Variants in CHODL observed in about 807,000 individuals in gnomAD.
CHODL encodes transmembrane protein MT75.
Under a neutral mutation model 34.5 loss-of-function variants are expected in CHODL, and 29 were observed. The ratio of observed to expected loss-of-function variants is 0.84; its 90% CI spans 0.63 to 1.15. The LOEUF (loss-of-function observed/expected upper bound fraction) is 1.15, where lower values mean the gene tolerates loss of function less well. Among genes scored for constraint, CHODL ranks in the 50% most tolerant of loss-of-function variants. CHODL has a pLI of 0.00. For synonymous variants in CHODL, 125 were observed against 116.1 expected (o/e 1.08, Z -0.49); for missense variants, 332 against 332.5 (o/e 1.00, Z 0.01).
intron 2 of CHODL, among the ~76,000 whole-genome samples, chr21:18,182,214 C>G (rs1464493759): frequency 6.6e-6 from 1 of 152,100 alleles, no homozygotes. Context: ...ATCAGCATTA[C>G]TTTGAAGACT....
chr21:18,242,064 GGT>G (rs2074087843), upstream of CHODL, among the ~76,000 whole-genome samples: 1 of 151,808 alleles, frequency 6.6e-6, no homozygotes. Flanking sequence ...CCAGTCATAT[GGT>G]CTTGTTTGGT....
intron 1 of CHODL, among the ~76,000 whole-genome samples, chr21:18,247,058 C>A (rs2074150073): frequency 6.6e-6 from 1 of 152,126 alleles, no homozygotes; most frequent in South Asian, 2.1e-4. Flanking sequence ...TGAAATTTAA[C>A]CATCTATAAA....
intron 1 of CHODL, among the ~76,000 whole-genome samples, chr21:17,930,406 A>G (rs2063262938): frequency 6.6e-6 from 1 of 151,872 alleles, no homozygotes; most frequent in Non-Finnish European, 1.5e-5. Context: ...GACCAGATCC[A>G]CCACTGTTTA....
At chr21:18,145,149 C>T (rs1308551647) in intron 2 of CHODL, among the ~76,000 whole-genome samples, 2 of 150,972 alleles carry the variant, frequency 1.3e-5, no homozygotes, top group Non-Finnish European at 3.0e-5. Flanking sequence ...TAGAAAGTGG[C>T]ATTTGGGCCG....
chr21:18,223,020 G>C (rs979088381), intron 2 of CHODL, among the ~76,000 whole-genome samples: 1 of 152,108 alleles, frequency 6.6e-6, no homozygotes, highest in South Asian at 2.1e-4. Context: ...AAAGTAAAAA[G>C]AGCCAATGAC....
chr21:17,919,119 G>A (rs913112470), intron 1 of CHODL, among the ~76,000 whole-genome samples: 6 of 152,172 alleles, frequency 3.9e-5, no homozygotes, highest in Admixed American at 2.0e-4. Flanking sequence ...GAGTGTCTGC[G>A]GCTTTTACAG....
At chr21:18,145,863 A>C (rs1346715014) in intron 2 of CHODL, among the ~76,000 whole-genome samples, 1 of 152,246 alleles carries the variant, frequency 6.6e-6, no homozygotes, top group African/African-American at 2.4e-5. Flanking sequence ...CACATGTGGA[A>C]CAACTTTCTC....
At chr21:18,060,531 G>A (rs535074772) in intron 2 of CHODL, among the ~76,000 whole-genome samples, 37 of 151,690 alleles carry the variant, frequency 2.4e-4, no homozygotes, top group Non-Finnish European at 4.4e-4. Flanking sequence ...CCAGGAAACT[G>A]GAAGCCTGGA....
chr21:18,187,286 C>T (rs930351622), intron 2 of CHODL, among the ~76,000 whole-genome samples: 6 of 152,134 alleles, frequency 3.9e-5, no homozygotes, highest in Non-Finnish European at 8.8e-5. Flanking sequence ...AAACTGTACT[C>T]CTCCTTGTTC....
intron 1 of CHODL, among the ~76,000 whole-genome samples, chr21:17,984,961 G>A (rs367691580): frequency 9.2e-5 from 14 of 151,902 alleles, no homozygotes; most frequent in African/African-American, 1.9e-4. Context: ...CAGGAATATC[G>A]CAATATTATA....
chr21:17,988,172 T>C (rs2063768263), intron 1 of CHODL, among the ~76,000 whole-genome samples: 1 of 152,158 alleles, frequency 6.6e-6, no homozygotes, highest in Non-Finnish European at 1.5e-5. Flanking sequence ...CTTCTTGGCA[T>C]GTGAAGCCAT....
chr21:18,259,486 A>G (rs1568962483), intron 3 of CHODL, among the ~76,000 whole-genome samples: 1 of 152,352 alleles, frequency 6.6e-6, no homozygotes, highest in East Asian at 1.9e-4. Context: ...CCCACGTAAC[A>G]AACCTGCACA....
At chr21:18,240,792 C>T (rs758799541), upstream of CHODL, among the ~76,000 whole-genome samples, 1 of 151,942 alleles carries the variant, frequency 6.6e-6, no homozygotes, top group African/African-American at 2.4e-5. Context: ...TTATATGATT[C>T]TTTAGATCTG....
At chr21:18,036,134 T>TAGA (rs2064306681) in intron 2 of CHODL, among the ~76,000 whole-genome samples, 1 of 152,052 alleles carries the variant, frequency 6.6e-6, no homozygotes, top group African/African-American at 2.4e-5. Context: ...GGTGAGATCA[T>TAGA]AGAAGCCTGT....
At chr21:18,220,241 G>T (rs60189960) in intron 2 of CHODL, among the ~76,000 whole-genome samples, 5 of 151,908 alleles carry the variant, frequency 3.3e-5, no homozygotes, top group African/African-American at 1.2e-4. Flanking sequence ...TCAGATTTTC[G>T]TAGGTAGCAT....
intron 1 of CHODL, among the ~76,000 whole-genome samples, chr21:17,926,007 TTTAA>T: frequency 6.6e-6 from 1 of 152,350 alleles, no homozygotes; most frequent in Middle Eastern, 3.4e-3. Flanking sequence ...TTAATAGTAA[TTTAA>T]TTAGTTCCAA....
chr21:17,967,689 AAGG>A (rs1317513354), intron 1 of CHODL, among the ~76,000 whole-genome samples: 1 of 151,678 alleles, frequency 6.6e-6, no homozygotes, highest in East Asian at 2.0e-4. Flanking sequence ...GATTTGAGGA[AAGG>A]AGGAGTGCAA....
chr21:17,985,442 T>C (rs759930225), intron 1 of CHODL, among the ~76,000 whole-genome samples: 18 of 152,240 alleles, frequency 1.2e-4, no homozygotes, highest in Non-Finnish European at 1.5e-4. Flanking sequence ...TGGTAATGTC[T>C]GCATTAATTG....
intron 2 of CHODL, among the ~76,000 whole-genome samples, chr21:18,132,280 C>T: frequency 6.6e-6 from 1 of 151,948 alleles, no homozygotes. Flanking sequence ...TTCTAAAAAG[C>T]TATTGTCAAA....
Sources: allele counts gnomAD v4.1 joint callset (sites outside exome capture counted in the v4.1 genomes callset), GRCh38; gene constraint gnomAD v4.1.1; transcripts MANE v1.5; gene names NCBI Gene and HGNC (gene_info 2026-07-23, HGNC 2026-07-21).